Variants in ACYP2 observed in about 807,000 individuals in gnomAD.
The protein encoded by ACYP2 is acylphosphatase-2.
In ACYP2, 12 loss-of-function variants were observed where a neutral mutation model predicts 11.2. The observed-to-expected ratio is 1.08, with a 90% CI of 0.69 to 1.74. The LOEUF (loss-of-function observed/expected upper bound fraction) is 1.74. Ranked by LOEUF, ACYP2 falls within the 40% of genes most tolerant of loss-of-function variation. The pLI, the probability that ACYP2 is intolerant of heterozygous loss-of-function variation, is 0.00. For missense variants in ACYP2, 134 were observed against 101.9 expected (o/e 1.31, Z -1.35); for synonymous variants, 43 against 32.2 (o/e 1.33, Z -1.13).
At chr2:54,033,911 C>G (rs114567893) in intron 2 of ACYP2, among the ~76,000 whole-genome samples, 59 of 152,238 alleles carry the variant, frequency 3.9e-4, no homozygotes, top group African/African-American at 1.4e-3. Context: ...GCTGTCAAGA[C>G]CAAATGAATC....
chr2:54,256,543 C>G (rs1687548272), intron 6 of ACYP2, among the ~76,000 whole-genome samples: 1 of 152,272 alleles, frequency 6.6e-6, no homozygotes, highest in Non-Finnish European at 1.5e-5. Flanking sequence ...TTGTAGGAAG[C>G]CTTTGTACAT....
At chr2:54,061,210 A>G (rs1411383087) in intron 4 of ACYP2, among the ~76,000 whole-genome samples, 2 of 152,152 alleles carry the variant, frequency 1.3e-5, no homozygotes, top group East Asian at 3.8e-4. Flanking sequence ...TGGCAATCCA[A>G]CTTTTGGATA....
At chr2:54,157,180 T>C (rs1016857386) in intron 6 of ACYP2, among the ~76,000 whole-genome samples, 10 of 152,200 alleles carry the variant, frequency 6.6e-5, no homozygotes, top group Admixed American at 5.2e-4. Flanking sequence ...ACCATAGTCC[T>C]ATACATTTTT....
chr2:54,195,794 G>GGTTTTTTTTTT (rs1553389697), intron 6 of ACYP2, among the ~76,000 whole-genome samples: 5 of 83,144 alleles, frequency 6.0e-5, no homozygotes, highest in African/African-American at 2.5e-4. Flanking sequence ...TTTGTTGTGG[G>GGTTTTTTTTTT]TTTTTTTTTT....
At chr2:54,256,909 C>G (rs1481415924) in intron 6 of ACYP2, among the ~76,000 whole-genome samples, 3 of 152,140 alleles carry the variant, frequency 2.0e-5, no homozygotes, top group Admixed American at 6.5e-5. Context: ...TCAGGTGATC[C>G]GCCCATCTTG....
intron 6 of ACYP2, among the ~76,000 whole-genome samples, chr2:54,147,239 C>T (rs982297173): frequency 7.2e-5 from 11 of 151,898 alleles, no homozygotes; most frequent in Non-Finnish European, 1.6e-4. Flanking sequence ...CTTAGTCATA[C>T]ATAAATCAAA....
intron 6 of ACYP2, among the ~76,000 whole-genome samples, chr2:54,224,777 T>G (rs1003430067): frequency 4.6e-5 from 7 of 152,236 alleles, no homozygotes; most frequent in Non-Finnish European, 8.8e-5. Context: ...CCTAAACTTC[T>G]TATTCGTTAT....
intron 6 of ACYP2, among the ~76,000 whole-genome samples, chr2:54,263,866 C>G (rs150430969): frequency 8.6e-5 from 13 of 151,580 alleles, no homozygotes; most frequent in African/African-American, 2.2e-4. Flanking sequence ...ATTACAATCA[C>G]TAGTTGAAAC....
intron 6 of ACYP2, chr2:54,142,169 G>T (rs377134082): frequency 5.8e-4 from 206 of 356,454 alleles, no homozygotes; most frequent in African/African-American, 3.5e-3. Flanking sequence ...CTTTATTTTT[G>T]AGAACAGTTT....
intron 6 of ACYP2, among the ~76,000 whole-genome samples, chr2:54,223,409 T>C (rs1279188095): frequency 6.6e-6 from 1 of 152,228 alleles, no homozygotes; most frequent in Non-Finnish European, 1.5e-5. Context: ...TTATAAAAAC[T>C]ACAGAATAAA....
rs75018668 is a variant in ACYP2, at chr2:54,242,717, C to T, written c.405-61971C>T. 3.7e-3 allele frequency among the ~76,000 whole-genome samples: 565 copies of T among 152,296 alleles called. 21 individuals are homozygous for T. In the East Asian group the frequency reaches 0.096, roughly 26 times the overall value. On this transcript the variant is annotated intron_variant, in intron 6 of 6. Transcript: ENST00000607452. ...TATACACTCCATTGCACTCCATGTGCGCCATTGCACTCCAGTCTAGGCGAC... is the reference window on the plus strand; with the variant it reads ...TATACACTCCATTGCACTCCATGTGTGCCATTGCACTCCAGTCTAGGCGAC...
chr2:54,037,238 A>G (rs1175459435), intron 2 of ACYP2, among the ~76,000 whole-genome samples: 3 of 151,826 alleles, frequency 2.0e-5, no homozygotes, highest in Non-Finnish European at 4.4e-5. Flanking sequence ...TCGGCCTCCC[A>G]AATACCTGGG....
chr2:54,195,188 T>G (rs748459127), intron 6 of ACYP2, among the ~76,000 whole-genome samples: 1 of 152,214 alleles, frequency 6.6e-6, no homozygotes, highest in Non-Finnish European at 1.5e-5. Context: ...ATGTGGTCAC[T>G]GCTATAAAAG....
intron 4 of ACYP2, among the ~76,000 whole-genome samples, chr2:54,079,365 A>G (rs751556057): frequency 2.0e-4 from 31 of 152,210 alleles, no homozygotes; most frequent in Non-Finnish European, 1.3e-4. Flanking sequence ...ACCTAAGCCA[A>G]TCAGCATTCA....
At chr2:53,990,851 C>T (rs531430073) in intron 2 of ACYP2, among the ~76,000 whole-genome samples, 7 of 151,586 alleles carry the variant, frequency 4.6e-5, no homozygotes, top group African/African-American at 1.2e-4. Context: ...GGCTGGAGTG[C>T]GGTGGCGCGA....
intron 6 of ACYP2, among the ~76,000 whole-genome samples, chr2:54,144,689 AAAT>A (rs1681805593): frequency 6.6e-6 from 1 of 151,950 alleles, no homozygotes; most frequent in Non-Finnish European, 1.5e-5. Context: ...AAAAAAAAAA[AAAT>A]CTCTTTTGCA....
At chr2:54,242,657 T>C (rs1297841951) in intron 6 of ACYP2, among the ~76,000 whole-genome samples, 3 of 152,222 alleles carry the variant, frequency 2.0e-5, no homozygotes, top group Non-Finnish European at 4.4e-5. Context: ...GTCATTGTGT[T>C]ACAGTTGCCT....
intron 1 of ACYP2, among the ~76,000 whole-genome samples, chr2:53,972,331 G>T (rs1427439431): frequency 6.6e-6 from 1 of 150,518 alleles, no homozygotes; most frequent in African/African-American, 2.5e-5. Context: ...AGGGCCAGGC[G>T]CGTGGTGGCT....
intron 2 of ACYP2, among the ~76,000 whole-genome samples, chr2:54,031,438 C>G (rs1213951073): frequency 6.6e-6 from 1 of 152,090 alleles, no homozygotes; most frequent in Non-Finnish European, 1.5e-5. Flanking sequence ...ATCCATGTCC[C>G]TACAAAGAAC....
Sources: gnomAD v4.1 joint callset for allele counts (sites outside exome capture counted in the v4.1 genomes callset) on GRCh38, gnomAD v4.1.1 for gene constraint, MANE v1.5 for transcripts, NCBI Gene and HGNC (gene_info 2026-07-23, HGNC 2026-07-21) for gene names.